OXR1: variants seen among roughly 807,000 people sequenced by gnomAD.
OXR1 encodes the protein oxidation resistance 1, also known as oxidation resistance protein 1.
Under a neutral mutation model 104.6 loss-of-function variants are expected in OXR1, and 41 were observed. The observed-to-expected ratio is 0.39, with a 90% CI of 0.31 to 0.51. The LOEUF (loss-of-function observed/expected upper bound fraction) is 0.51. Ranked by LOEUF, OXR1 falls within the 20% of genes least tolerant of loss-of-function variation. The pLI is 0.77. For missense variants in OXR1, 955 were observed against 1,031.9 expected (o/e 0.93, Z 1.02); for synonymous variants, 348 against 348.4 (o/e 1.00, Z 0.01).
chr8:106,586,922 A>C (rs1818674044), intron 3 of OXR1, among the ~76,000 whole-genome samples: 1 of 152,206 alleles, frequency 6.6e-6, no homozygotes, highest in Non-Finnish European at 1.5e-5. Context: ...TGGATTTTAA[A>C]AAGAGCATGG....
At chr8:106,488,591 G>A (rs1170108103) in intron 2 of OXR1, among the ~76,000 whole-genome samples, 3 of 151,232 alleles carry the variant, frequency 2.0e-5, no homozygotes, top group Non-Finnish European at 3.0e-5. Flanking sequence ...ATCTTGAATT[G>A]ATTTTTGTAT....
At chr8:106,498,741 C>G (rs2129928389) in intron 2 of OXR1, among the ~76,000 whole-genome samples, 1 of 152,218 alleles carries the variant, frequency 6.6e-6, no homozygotes, top group African/African-American at 2.4e-5. Flanking sequence ...TGCAGTATGT[C>G]ACTTAAAAAC....
intron 2 of OXR1, among the ~76,000 whole-genome samples, chr8:106,413,723 ACTTTT>A (rs1563509936): frequency 6.9e-6 from 1 of 145,668 alleles, no homozygotes. Context: ...TGCTGTATCT[ACTTTT>A]TTTTTTTTTT....
At chr8:106,300,493 A>G (rs16874332) in intron 1 of OXR1, among the ~76,000 whole-genome samples, 5,168 of 151,870 alleles carry the variant, frequency 0.034, 298 homozygotes, top group African/African-American at 0.12. Context: ...AACATATACA[A>G]TGTCTCCTGT....
chr8:106,493,096 A>G (rs983420510), intron 2 of OXR1, among the ~76,000 whole-genome samples: 4 of 152,154 alleles, frequency 2.6e-5, no homozygotes, highest in Admixed American at 2.0e-4. Context: ...TCTAAAATGC[A>G]TTATAAATTA....
intron 2 of OXR1, among the ~76,000 whole-genome samples, chr8:106,502,825 T>C (rs1390866837): frequency 6.6e-6 from 1 of 152,200 alleles, no homozygotes; most frequent in African/African-American, 2.4e-5. Flanking sequence ...TTTTCTCTTA[T>C]TGTAATTATT....
chr8:106,339,553 TATAA>T (rs1473502895), intron 1 of OXR1, among the ~76,000 whole-genome samples: 2 of 75,520 alleles, frequency 2.6e-5, no homozygotes, highest in African/African-American at 1.2e-4. Context: ...TATATATATA[TATAA>T]AACGAAATCA....
intron 3 of OXR1, among the ~76,000 whole-genome samples, chr8:106,607,234 G>A (rs1182132385): frequency 1.3e-5 from 2 of 152,082 alleles, no homozygotes; most frequent in Non-Finnish European, 2.9e-5. Flanking sequence ...CCATTCTGTC[G>A]AGCTTAAAGC....
At chr8:106,583,169 C>T (rs931007170) in intron 3 of OXR1, among the ~76,000 whole-genome samples, 2 of 152,006 alleles carry the variant, frequency 1.3e-5, no homozygotes, top group Admixed American at 1.3e-4. Context: ...ATTCATAAGG[C>T]TAAGTATTTT....
rs199751152 is a variant in OXR1 at position 106,474,012 on chromosome 8, TACACACACACACACACACAC to T, written c.24-44907_24-44888del. ...ATATAATATATGTATTGTATATTTA[TACACACACACACACACACAC>T]ACACACACACACACACACACACAGT... is the stretch of plus-strand genomic sequence containing the variant. On this transcript the variant is annotated intron_variant, in intron 2 of 16. Coordinates refer to ENST00000517566, the MANE Select transcript of OXR1 (RefSeq NM_001198533.2). Among the ~76,000 whole-genome samples the T allele has an allele frequency of 9.1e-3, 1,254 of 137,396 alleles. 10 individuals are homozygous for T. The highest frequency in any genetic ancestry group is 0.027 in the Middle Eastern group (7 of 264). 90.1% of individuals were successfully genotyped at this position (137,396 alleles called of 152,430 possible).
chr8:106,307,078 A>G (rs925489787), intron 1 of OXR1, among the ~76,000 whole-genome samples: 2 of 152,202 alleles, frequency 1.3e-5, no homozygotes, highest in African/African-American at 4.8e-5. Flanking sequence ...ATTATCAACA[A>G]TTGGGAAAAG....
At chr8:106,721,616 A>G (rs193298076) in intron 11 of OXR1, among the ~76,000 whole-genome samples, 7 of 152,314 alleles carry the variant, frequency 4.6e-5, no homozygotes, top group African/African-American at 1.4e-4. Flanking sequence ...TTTTAGGTAC[A>G]TGACATTAGT....
chr8:106,367,647 A>G (rs1398992946), intron 2 of OXR1, among the ~76,000 whole-genome samples: 1 of 152,144 alleles, frequency 6.6e-6, no homozygotes, highest in East Asian at 1.9e-4. Flanking sequence ...TGAAGCTTAG[A>G]TTAATTTTTA....
chr8:106,474,505 C>A (rs1170888447), intron 2 of OXR1, among the ~76,000 whole-genome samples: 2 of 151,314 alleles, frequency 1.3e-5, no homozygotes, highest in Non-Finnish European at 2.9e-5. Context: ...TGGCCTTCAA[C>A]CTAAGAATAG....
At chr8:106,359,745 C>A in intron 2 of OXR1, 109 bp downstream of exon 2, 1 of 815,578 alleles carries the variant, frequency 1.2e-6, no homozygotes, top group South Asian at 1.5e-5. Context: ...ACTTAAAAAT[C>A]TGGTTTCCAA....
chr8:106,730,574 T>G (rs2131518755), intron 11 of OXR1, among the ~76,000 whole-genome samples: 1 of 152,324 alleles, frequency 6.6e-6, no homozygotes, highest in East Asian at 1.9e-4. Context: ...TTTCTTTTTA[T>G]TGCTGAATAA....
intron 6 of OXR1, among the ~76,000 whole-genome samples, chr8:106,687,264 T>C (rs574615735): frequency 6.6e-6 from 1 of 152,318 alleles, no homozygotes; most frequent in Non-Finnish European, 1.5e-5. Context: ...CATCTCATCT[T>C]ATCTTTTGTC....
chr8:106,475,188 A>G (rs563476640), intron 2 of OXR1, among the ~76,000 whole-genome samples: 51 of 152,040 alleles, frequency 3.4e-4, no homozygotes, highest in African/African-American at 1.2e-3. Context: ...AAACTTAACT[A>G]ATAGCCTACT....
intron 7 of OXR1, among the ~76,000 whole-genome samples, chr8:106,700,990 A>T (rs1261327207): frequency 6.6e-6 from 1 of 152,098 alleles, no homozygotes; most frequent in Non-Finnish European, 1.5e-5. Context: ...TTTAATATCA[A>T]ATATACTCTA....
Sources: gnomAD v4.1 joint callset for allele counts (sites outside exome capture counted in the v4.1 genomes callset) on GRCh38, gnomAD v4.1.1 for gene constraint, MANE v1.5 for transcripts, NCBI Gene and HGNC (gene_info 2026-07-23, HGNC 2026-07-21) for gene names.